Variants in RIC3 observed in about 807,000 individuals in gnomAD.
RIC3 encodes the protein RIC3 acetylcholine receptor chaperone.
Under a neutral mutation model 27.3 loss-of-function variants are expected in RIC3, and 28 were observed. The ratio of observed to expected loss-of-function variants is 1.02; its 90% CI spans 0.76 to 1.41. The LOEUF (loss-of-function observed/expected upper bound fraction) is 1.41. Ranked by LOEUF, RIC3 falls within the 40% of genes most tolerant of loss-of-function variation. RIC3 has a pLI of 0.00. For synonymous variants in RIC3, 184 were observed against 160.4 expected (o/e 1.15, Z -1.11); for missense variants, 501 against 444.7 (o/e 1.13, Z -1.14).
At chr11:8,114,628 GA>G (rs1945649190) in intron 5 of RIC3, among the ~76,000 whole-genome samples, 3 of 147,152 alleles carry the variant, frequency 2.0e-5, no homozygotes, top group East Asian at 4.0e-4. Context: ...AAGAAAGAAA[GA>G]AAGAAAAAGA....
intron 2 of RIC3, chr11:8,139,228 T>C (rs1166702104): frequency 1.3e-5 from 2 of 152,436 alleles, no homozygotes; most frequent in Non-Finnish European, 2.9e-5. Flanking sequence ...CAACTCAGAC[T>C]GCCTGCAGAA....
chr11:8,155,318 G>A (rs1410384481), intron 1 of RIC3, among the ~76,000 whole-genome samples: 7 of 151,916 alleles, frequency 4.6e-5, no homozygotes, highest in Non-Finnish European at 1.0e-4. Context: ...GCTCACGTCT[G>A]TAATCCCAGC....
At chr11:8,105,256 T>G (rs1944502609), downstream of RIC3, 1 of 152,220 alleles carries the variant, frequency 6.6e-6, no homozygotes, top group African/African-American at 2.4e-5. Flanking sequence ...GCCCTCAGAT[T>G]ACACTTCTCC....
chr11:8,097,485 C>A, the RIC3 span: 1 of 1,605,316 alleles, frequency 6.2e-7, no homozygotes, highest in Non-Finnish European at 8.5e-7. Context: ...ATCCTAGGGG[C>A]TGAAATGTGA....
the RIC3 span, chr11:8,096,676 T>C: frequency 1.9e-6 from 3 of 1,571,764 alleles, no homozygotes; most frequent in Non-Finnish European, 2.6e-6. Context: ...TCTTCTCTCC[T>C]TGGCCCAGGC....
chr11:8,145,884 T>C (rs1949626333), intron 1 of RIC3, among the ~76,000 whole-genome samples: 2 of 152,208 alleles, frequency 1.3e-5, no homozygotes, highest in Admixed American at 1.3e-4. Flanking sequence ...TGGATTTGAC[T>C]TGAACAAAAT....
At chr11:8,131,522 G>A (rs771458358) in intron 4 of RIC3, among the ~76,000 whole-genome samples, 1 of 152,114 alleles carries the variant, frequency 6.6e-6, no homozygotes, top group Non-Finnish European at 1.5e-5. Context: ...TGTCCAGTGG[G>A]CTCTATATAT....
chr11:8,133,980 TC>T (rs1322607277), intron 4 of RIC3, among the ~76,000 whole-genome samples: 4 of 151,308 alleles, frequency 2.6e-5, no homozygotes, highest in Non-Finnish European at 1.5e-5. Flanking sequence ...TCTATGGTTT[TC>T]TTTTTTTTTT....
intron 1 of RIC3, among the ~76,000 whole-genome samples, chr11:8,164,191 G>A (rs1413490718): frequency 6.6e-6 from 1 of 152,014 alleles, no homozygotes; most frequent in Non-Finnish European, 1.5e-5. Context: ...AATTCAAAGG[G>A]ATCAAAGACT....
intron 2 of RIC3, chr11:8,139,718 G>A: frequency 3.7e-6 from 1 of 269,926 alleles, no homozygotes; most frequent in Non-Finnish European, 6.6e-6. Flanking sequence ...AAAGATCCAT[G>A]TTCAAGTCCT....
At chr11:8,112,284 CT>C (rs1564961604) in intron 5 of RIC3, among the ~76,000 whole-genome samples, 4 of 135,892 alleles carry the variant, frequency 2.9e-5, no homozygotes, top group African/African-American at 1.1e-4. Flanking sequence ...CTTTTCTTTT[CT>C]TTTCTTTTCT....
intron 1 of RIC3, among the ~76,000 whole-genome samples, chr11:8,161,689 G>A (rs1296790918): frequency 6.6e-6 from 1 of 152,206 alleles, no homozygotes; most frequent in East Asian, 1.9e-4. Flanking sequence ...AGGCTGGAAG[G>A]TGAGAGTGAT....
intron 1 of RIC3, among the ~76,000 whole-genome samples, chr11:8,143,675 CTACTT>C (rs1054170935): frequency 6.6e-6 from 1 of 151,374 alleles, no homozygotes; most frequent in Non-Finnish European, 1.5e-5. Flanking sequence ...TTGGAAAAAA[CTACTT>C]TAAAGTTCAT....
intron 1 of RIC3, among the ~76,000 whole-genome samples, chr11:8,157,486 T>C (rs1214556504): frequency 6.6e-6 from 1 of 152,186 alleles, no homozygotes; most frequent in Non-Finnish European, 1.5e-5. Flanking sequence ...TGGTGTGCAT[T>C]CTCCCTTGCT....
rs530985648 is a variant in RIC3, at chr11:8,119,221, A to G, written c.670+7438T>C. ...AAAATCCACACATTCGTACACGCTC[A>G]GACACATGCAGATTATCCAACCAAA... is the stretch of plus-strand genomic sequence containing the variant. On this transcript the variant is annotated intron_variant, in intron 5 of 5. Transcript: ENST00000309737. Among the ~76,000 whole-genome samples the G allele has an allele frequency of 3.3e-5, 5 of 152,324 alleles. No individual in the cohort carries two copies. The South Asian group carries it at 8.3e-4, about 25-fold the overall frequency.
chr11:8,112,547 G>T (rs1017734944), intron 5 of RIC3, among the ~76,000 whole-genome samples: 1 of 152,008 alleles, frequency 6.6e-6, no homozygotes, highest in African/African-American at 2.4e-5. Flanking sequence ...CACCCACCTC[G>T]GTCTTCCAAA....
chr11:8,158,378 T>C (rs748188237), intron 1 of RIC3, among the ~76,000 whole-genome samples: 1 of 152,068 alleles, frequency 6.6e-6, no homozygotes, highest in Admixed American at 6.5e-5. Context: ...GATACAGTGT[T>C]ACTGTGGGAA....
At chr11:8,102,244 T>G (rs777383969), downstream of RIC3, 5 of 152,366 alleles carry the variant, frequency 3.3e-5, no homozygotes, top group African/African-American at 4.8e-5. Context: ...GGTGCCTGGC[T>G]TGCTGTGGCT....
chr11:8,106,049 AG>A (rs1232285856), downstream of RIC3: 2 of 152,208 alleles, frequency 1.3e-5, no homozygotes, highest in Non-Finnish European at 2.9e-5. Flanking sequence ...CTGGCGTTTT[AG>A]ACAAATTTGC....
Sources: allele counts gnomAD v4.1 joint callset (sites outside exome capture counted in the v4.1 genomes callset), GRCh38; gene constraint gnomAD v4.1.1; transcripts MANE v1.5; gene names NCBI Gene and HGNC (gene_info 2026-07-23, HGNC 2026-07-21).